Variants in ADGB observed in about 807,000 individuals in gnomAD.
ADGB encodes calpain-7-like protein.
A neutral mutation model predicts 210.5 loss-of-function variants in ADGB; 172 were observed. The ratio of observed to expected loss-of-function variants is 0.82; its 90% CI spans 0.72 to 0.93. ADGB has a LOEUF of 0.93. Ranked by LOEUF, ADGB falls within the 40% of genes least tolerant of loss-of-function variation. The probability of loss-of-function intolerance (pLI) is 0.00; values close to 1 mark genes in which losing one functional copy is unlikely to be tolerated. For synonymous variants in ADGB, 658 were observed against 662.7 expected, an observed-to-expected ratio of 0.99 and a Z score of 0.11; for missense variants, 2,025 against 1,964.8, an observed-to-expected ratio of 1.03 and a Z score of -0.58.
intron 20 of ADGB, among the ~76,000 whole-genome samples, chr6:146,730,063 C>T (rs1463381707): frequency 6.6e-6 from 1 of 152,046 alleles, no homozygotes; most frequent in Admixed American, 6.6e-5. Flanking sequence ...TTCTATTTTG[C>T]GTGTAAACAA....
Position 146,728,567 on chromosome 6 carries a change from T to C in ADGB, c.2353-7T>C. The C allele has an allele frequency of 6.5e-7, 1 of 1,550,172 alleles. No individual in the cohort carries two copies. The highest frequency in any genetic ancestry group is 1.2e-5 in the South Asian group (1 of 83,956). On this transcript the variant is annotated splice_polypyrimidine_tract_variant and splice_region_variant and intron_variant, in intron 19 of 35. Transcript: ENST00000397944. ...GTGAGGATGGCTGCCATGCTTTGTC[T>C]TCACAGGAGAGCTGCCGATTTACGG... is the stretch of plus-strand genomic sequence containing the variant.
At position 146,700,921 on chromosome 6, in the gene ADGB, G is replaced by A. The variant is rs1204020940; in HGVS notation, c.1578-20G>A. 6.5e-7 allele frequency: 1 copy of A among 1,538,204 alleles called. No individual in the cohort carries two copies. Among genetic ancestry groups the A allele is most frequent in the Non-Finnish European group, 8.8e-7 (1 of 1,142,538 alleles). ...AGAAGATCAAAATAACAGAAGTTTG[G>A]GGTTTTGTTTTCCTTTTAGGCATTT... On this transcript the variant is annotated intron_variant, in intron 12 of 35. Transcript: ENST00000397944.
intron 5 of ADGB, among the ~76,000 whole-genome samples, chr6:146,663,211 T>C (rs1775891428): frequency 6.9e-6 from 1 of 144,244 alleles, no homozygotes; most frequent in African/African-American, 2.5e-5. Context: ...GTTTTTTATA[T>C]ATATATAAGT....
chr6:146,647,112 C>CA (rs1179831820), intron 3 of ADGB, among the ~76,000 whole-genome samples: 2 of 130,392 alleles, frequency 1.5e-5, no homozygotes, highest in African/African-American at 5.6e-5. Context: ...AAACAAAAAA[C>CA]AAAAAACAAA....
chr6:146,771,897 A>C (rs989823763), intron 29 of ADGB, among the ~76,000 whole-genome samples: 2 of 152,272 alleles, frequency 1.3e-5, no homozygotes, highest in Non-Finnish European at 2.9e-5. Context: ...TAAGAATTTC[A>C]ATGGATCAGA....
intron 3 of ADGB, among the ~76,000 whole-genome samples, chr6:146,651,088 A>G (rs1291268234): frequency 6.6e-6 from 1 of 152,204 alleles, no homozygotes; most frequent in Non-Finnish European, 1.5e-5. Flanking sequence ...CAGACAGAGA[A>G]TGATAGCAAG....
intron 8 of ADGB, among the ~76,000 whole-genome samples, chr6:146,675,893 C>T (rs923490225): frequency 6.6e-6 from 1 of 152,106 alleles, no homozygotes; most frequent in African/African-American, 2.4e-5. Context: ...ACTGTGTTTC[C>T]TGTAAGTGGA....
chr6:146,740,624 T>A, intron 24 of ADGB, 31 bp downstream of exon 24: 1 of 1,538,992 alleles, frequency 6.5e-7, no homozygotes, highest in Non-Finnish European at 8.8e-7. Context: ...CAAATATGTC[T>A]CTAAATGGCT....
chr6:146,641,116 C>G (rs1775507217), intron 2 of ADGB, among the ~76,000 whole-genome samples: 1 of 151,844 alleles, frequency 6.6e-6, no homozygotes, highest in South Asian at 2.1e-4. Context: ...TATACGCCAA[C>G]AATAGCCAAA....
chr6:146,724,038 A>G, intron 17 of ADGB, 148 bp from the exon 18 acceptor site: 1 of 662,290 alleles, frequency 1.5e-6, no homozygotes, highest in Non-Finnish European at 2.3e-6. Context: ...ACCTGGAGTA[A>G]TTTCTAATGT....
chr6:146,739,785 G>A (rs990553936), intron 23 of ADGB, among the ~76,000 whole-genome samples: 7 of 152,092 alleles, frequency 4.6e-5, no homozygotes, highest in Non-Finnish European at 5.9e-5. Flanking sequence ...TGCTATAAAG[G>A]GCACATCCAG....
intron 5 of ADGB, among the ~76,000 whole-genome samples, chr6:146,661,330 C>A (rs528477081): frequency 6.6e-6 from 1 of 150,866 alleles, no homozygotes; most frequent in South Asian, 2.1e-4. Context: ...AGTGATCCTC[C>A]TGCCTCAGCC....
intron 17 of ADGB, 42 bp from the exon 18 acceptor site, chr6:146,724,144 C>T (rs553035576): frequency 6.6e-7 from 1 of 1,510,824 alleles, no homozygotes; most frequent in African/African-American, 1.4e-5. Context: ...GCCAACTACA[C>T]TTTCATGATC....
At chr6:146,613,274 A>G (rs948922623) in intron 1 of ADGB, among the ~76,000 whole-genome samples, 1 of 152,240 alleles carries the variant, frequency 6.6e-6, no homozygotes, top group Admixed American at 6.5e-5. Flanking sequence ...GACTTTAACT[A>G]TTTTAATTTA....
intron 27 of ADGB, among the ~76,000 whole-genome samples, chr6:146,754,600 A>G (rs1777381172): frequency 6.6e-6 from 1 of 151,870 alleles, no homozygotes; most frequent in Admixed American, 6.6e-5. Flanking sequence ...TATGTTAGCC[A>G]TGGGCTATGA....
chr6:146,698,401 A>G (rs1197633122), intron 12 of ADGB, among the ~76,000 whole-genome samples: 2 of 152,184 alleles, frequency 1.3e-5, no homozygotes, highest in Non-Finnish European at 2.9e-5. Context: ...CAAAATTTAG[A>G]TCTGTACCGT....
chr6:146,719,947 A>C (rs1443894196), intron 16 of ADGB, among the ~76,000 whole-genome samples: 1 of 152,220 alleles, frequency 6.6e-6, no homozygotes. Context: ...TAAACATTTA[A>C]GTCATGATTG....
chr6:146,604,815 G>C (rs1359085424), intron 1 of ADGB, among the ~76,000 whole-genome samples: 1 of 152,160 alleles, frequency 6.6e-6, no homozygotes, highest in African/African-American at 2.4e-5. Context: ...GGAGAAACTT[G>C]TTGGAAGTCA....
chr6:146,741,048 C>T, intron 24 of ADGB, 70 bp from the exon 25 acceptor site: 2 of 1,263,440 alleles, frequency 1.6e-6, no homozygotes, highest in Non-Finnish European at 2.1e-6. Context: ...AATTTCTTGG[C>T]ATTAATGCAA....
Sources: allele counts gnomAD v4.1 joint callset (sites outside exome capture counted in the v4.1 genomes callset), GRCh38; gene constraint gnomAD v4.1.1; transcripts MANE v1.5; gene names NCBI Gene and HGNC (gene_info 2026-07-23, HGNC 2026-07-21).